Variants in TBC1D1 observed in about 807,000 individuals in gnomAD.
The protein encoded by TBC1D1 is TBC1 (tre-2/USP6, BUB2, cdc16) domain family, member 1.
A neutral mutation model predicts 125.6 loss-of-function variants in TBC1D1; 89 were observed. The observed-to-expected ratio is 0.71, with a 90% CI of 0.60 to 0.85. The LOEUF is 0.85. Ranked by LOEUF, TBC1D1 falls within the 40% of genes least tolerant of loss-of-function variation. The pLI is 0.00. For missense variants in TBC1D1, 1,377 were observed against 1,469.2 expected (o/e 0.94, Z 1.03); for synonymous variants, 565 against 564.1 (o/e 1.00, Z -0.02).
intron 12 of TBC1D1, among the ~76,000 whole-genome samples, chr4:38,075,107 T>G (rs1755361777): frequency 1.3e-5 from 2 of 152,194 alleles, no homozygotes; most frequent in African/African-American, 4.8e-5. Context: ...TTAATGATGT[T>G]TTTAGTCCAA....
intron 15 of TBC1D1, among the ~76,000 whole-genome samples, chr4:38,105,428 C>G (rs1323805943): frequency 6.6e-6 from 1 of 152,268 alleles, no homozygotes; most frequent in Non-Finnish European, 1.5e-5. Context: ...ACTTCGGAAG[C>G]TGCACTTTTT....
intron 11 of TBC1D1, 57 bp from the exon 13 acceptor site, chr4:38,053,049 A>C (rs550753681): frequency 3.1e-4 from 384 of 1,228,974 alleles, no homozygotes; most frequent in Non-Finnish European, 3.9e-4. Flanking sequence ...CTTATATTTT[A>C]TACTTTGTGT....
chr4:37,937,574 A>C (rs1475364879), intron 2 of TBC1D1, among the ~76,000 whole-genome samples: 1 of 152,162 alleles, frequency 6.6e-6, no homozygotes, highest in Non-Finnish European at 1.5e-5. Context: ...AGCTCCCTAT[A>C]ATAGCTAGGA....
chr4:38,133,057 A>G, intron 18 of TBC1D1, 27 bp from the exon 21 acceptor site: 1 of 1,596,204 alleles, frequency 6.3e-7, no homozygotes, highest in Non-Finnish European at 8.5e-7. Flanking sequence ...CAGTTTTAGT[A>G]CGTGATGACT....
chr4:37,943,106 G>T (rs1457359963), intron 2 of TBC1D1, among the ~76,000 whole-genome samples: 1 of 152,114 alleles, frequency 6.6e-6, no homozygotes, highest in African/African-American at 2.4e-5. Context: ...GCTTAGTTTG[G>T]CTGGATATGA....
At chr4:37,935,244 C>G (rs966642750) in intron 2 of TBC1D1, among the ~76,000 whole-genome samples, 1 of 152,192 alleles carries the variant, frequency 6.6e-6, no homozygotes, top group South Asian at 2.1e-4. Flanking sequence ...CAGTAACTGT[C>G]GCTTTGATCC....
intron 17 of TBC1D1, among the ~76,000 whole-genome samples, chr4:38,122,732 A>C (rs1246442522): frequency 1.3e-5 from 2 of 152,234 alleles, no homozygotes; most frequent in Non-Finnish European, 2.9e-5. Context: ...TCATTAAGTT[A>C]AAGTAGAAGA....
chr4:38,135,034 A>T (rs1181827134), intron 19 of TBC1D1, among the ~76,000 whole-genome samples: 2 of 152,120 alleles, frequency 1.3e-5, no homozygotes. Context: ...TGGTGTTTGG[A>T]TATAGTTTTT....
Position 38,006,081 on chromosome 4 carries a change from C to T in TBC1D1, c.418-8428C>T, listed in dbSNP as rs147564432. ...AGAGGGCATGGGAATAAGGTGCAAG[C>T]ATTCAAACATGAATTGCAGTTTGGC... On this transcript the variant is annotated intron_variant, in intron 2 of 19. Transcript: ENST00000261439. 6.6e-5 allele frequency among the ~76,000 whole-genome samples: 10 copies of T among 152,290 alleles called. No individual in the cohort carries two copies. In the East Asian group the frequency reaches 1.9e-3, roughly 29 times the overall value.
At chr4:38,094,440 A>G (rs1343912766) in intron 13 of TBC1D1, among the ~76,000 whole-genome samples, 2 of 152,116 alleles carry the variant, frequency 1.3e-5, no homozygotes, top group African/African-American at 4.8e-5. Context: ...TGGGGGTCTT[A>G]TTTAATATTG....
intron 7 of TBC1D1, 86 bp from the exon 8 acceptor site, chr4:38,035,502 A>G (rs1460347375): frequency 1.3e-5 from 13 of 1,011,704 alleles, no homozygotes; most frequent in Non-Finnish European, 2.0e-5. Flanking sequence ...AGTTTAGTGG[A>G]TGGAAGCTGT....
At chr4:37,954,050 A>G (rs1728422430) in intron 2 of TBC1D1, among the ~76,000 whole-genome samples, 1 of 152,206 alleles carries the variant, frequency 6.6e-6, no homozygotes, top group South Asian at 2.1e-4. Flanking sequence ...TCACAGAATA[A>G]GGATAGGAAT....
At chr4:37,910,837 A>T (rs1184672882) in intron 2 of TBC1D1, among the ~76,000 whole-genome samples, 1 of 152,108 alleles carries the variant, frequency 6.6e-6, no homozygotes, top group Non-Finnish European at 1.5e-5. Context: ...GCTTGAGGTG[A>T]TGGATACCCC....
At chr4:37,998,583 C>G (rs1738333263) in intron 2 of TBC1D1, among the ~76,000 whole-genome samples, 1 of 152,224 alleles carries the variant, frequency 6.6e-6, no homozygotes, top group African/African-American at 2.4e-5. Context: ...GACCTCCCCT[C>G]TTTGCACGTG....
chr4:38,092,045 A>G (rs940507806), intron 13 of TBC1D1, among the ~76,000 whole-genome samples: 24 of 152,264 alleles, frequency 1.6e-4, no homozygotes, highest in African/African-American at 5.5e-4. Context: ...TAGTGTGTAC[A>G]GGACCTGGAT....
intron 6 of TBC1D1, among the ~76,000 whole-genome samples, chr4:38,022,812 T>G (rs1220816417): frequency 1.3e-5 from 2 of 152,202 alleles, no homozygotes; most frequent in Non-Finnish European, 2.9e-5. Flanking sequence ...GTTCTTGATT[T>G]TGTGTTTTTG....
At chr4:37,949,464 C>A (rs1338298831) in intron 2 of TBC1D1, among the ~76,000 whole-genome samples, 1 of 152,172 alleles carries the variant, frequency 6.6e-6, no homozygotes, top group Non-Finnish European at 1.5e-5. Context: ...GATGTTGTAG[C>A]ACGTACTGCG....
chr4:37,900,956 C>T (rs1715840545), intron 1 of TBC1D1, among the ~76,000 whole-genome samples: 1 of 151,640 alleles, frequency 6.6e-6, no homozygotes, highest in African/African-American at 2.4e-5. Context: ...CCTGTAATCC[C>T]AGCTACTTGG....
intron 2 of TBC1D1, among the ~76,000 whole-genome samples, chr4:37,959,924 C>A (rs994127068): frequency 9.9e-5 from 15 of 152,152 alleles, no homozygotes; most frequent in African/African-American, 3.6e-4. Context: ...AAAGGGATAA[C>A]TCGGGATGAA....
Sources: allele counts gnomAD v4.1 joint callset (sites outside exome capture counted in the v4.1 genomes callset), GRCh38; gene constraint gnomAD v4.1.1; transcripts MANE v1.5; gene names NCBI Gene and HGNC (gene_info 2026-07-23, HGNC 2026-07-21).